Variants in GRHL1 observed in about 807,000 individuals in gnomAD.
GRHL1 encodes grainyhead like transcription factor 1, also known as grainyhead-like protein 1 homolog.
GRHL1 carries 38 observed loss-of-function variants against 75.7 expected under a neutral mutation model. The observed-to-expected ratio is 0.50, with a 90% CI of 0.39 to 0.66. The LOEUF (loss-of-function observed/expected upper bound fraction) is 0.66. Among genes scored for constraint, GRHL1 ranks in the 30% least tolerant of loss-of-function variants. GRHL1 has a pLI of 0.00. For missense variants in GRHL1, 589 were observed against 767.5 expected, an observed-to-expected ratio of 0.77 and a Z score of 2.75; for synonymous variants, 266 against 279.4, an observed-to-expected ratio of 0.95 and a Z score of 0.48.
chr2:9,986,706 C>T (rs1257633751), intron 9 of GRHL1, among the ~76,000 whole-genome samples: 2 of 152,186 alleles, frequency 1.3e-5, no homozygotes, highest in African/African-American at 2.4e-5. Flanking sequence ...GTGTGAGCCA[C>T]CGCGCCCAGC....
chr2:9,988,271 C>T (rs1227541182), intron 9 of GRHL1, among the ~76,000 whole-genome samples: 2 of 152,284 alleles, frequency 1.3e-5, no homozygotes, highest in Non-Finnish European at 2.9e-5. Flanking sequence ...CTAATCATCC[C>T]GCGCTCCTGA....
At chr2:9,952,780 G>A (rs1666848304) in intron 1 of GRHL1, 1 of 260,636 alleles carries the variant, frequency 3.8e-6, no homozygotes, top group Non-Finnish European at 7.7e-6. Flanking sequence ...GAAGTTTAAG[G>A]CAGATAGGTA....
intron 8 of GRHL1, among the ~76,000 whole-genome samples, chr2:9,976,118 G>T (rs1022754660): frequency 4.6e-5 from 7 of 152,148 alleles, no homozygotes; most frequent in African/African-American, 1.7e-4. Context: ...CAGGAAACGT[G>T]TATTTCTTAT....
intron 5 of GRHL1, among the ~76,000 whole-genome samples, chr2:9,963,532 A>G (rs922978684): frequency 6.6e-6 from 1 of 152,246 alleles, no homozygotes; most frequent in African/African-American, 2.4e-5. Context: ...GGCCAAAAGG[A>G]ATTTAGTCAG....
chr2:9,958,533 A>C (rs1453129835), intron 2 of GRHL1, among the ~76,000 whole-genome samples: 1 of 151,978 alleles, frequency 6.6e-6, no homozygotes, highest in Non-Finnish European at 1.5e-5. Flanking sequence ...TGACAAAATA[A>C]ATTTATCATG....
intron 8 of GRHL1, among the ~76,000 whole-genome samples, chr2:9,972,352 A>G (rs1485600934): frequency 6.6e-6 from 1 of 151,664 alleles, no homozygotes; most frequent in African/African-American, 2.4e-5. Flanking sequence ...AGCTTTCTCA[A>G]ACTGTCTTTT....
Position 9,987,438 on chromosome 2 carries a change from G to A in GRHL1, c.1269+1156G>A, listed in dbSNP as rs571505282. 1.6e-3 allele frequency among the ~76,000 whole-genome samples: 251 copies of A among 152,334 alleles called. No individual in the cohort carries two copies. The highest frequency in any genetic ancestry group is 5.9e-3 in the African/African-American group (246 of 41,580). ...CAGGACCCTCTGAGCCCAGCTGCTG[G>A]AAGTGTAGGCAGTCACCCCTGCACG... On this transcript the variant is annotated intron_variant, in intron 9 of 15. Coordinates refer to ENST00000324907, the MANE Select transcript of GRHL1 (RefSeq NM_198182.3). The surrounding 1 kb of genome is among the most constrained non-coding windows in gnomAD (Gnocchi z 4.2).
chr2:9,998,459 C>T (rs12992309), intron 14 of GRHL1, among the ~76,000 whole-genome samples: 7 of 6,074 alleles, frequency 1.2e-3, no homozygotes, highest in Admixed American at 2.4e-3. Context: ...TATATATATA[C>T]ATATATATAC....
chr2:9,970,228 T>C (rs2116014), intron 8 of GRHL1, among the ~76,000 whole-genome samples: 59,141 of 152,152 alleles, frequency 0.39, 13,190 homozygotes, highest in African/African-American at 0.61. Context: ...ATCCTTACAC[T>C]GTAAGGTGAA....
In GRHL1 at chr2:9,990,859, AGTGGGT is replaced by A. The variant is rs1198877291; in HGVS notation, c.1321+115_1321+120del. ...TGGCTGGAGTTTGCACGCAGAAGAC[AGTGGGT>A]GTTCTTCCTGTTCTGCAGTGTGGCA... is the stretch of plus-strand genomic sequence containing the variant. On this transcript the variant is annotated intron_variant, in intron 10 of 15. Transcript: ENST00000324907. This position sits in a 1 kb window ranked among gnomAD's most constrained non-coding sequence, Gnocchi z 4.2. The A allele has an allele frequency of 1.3e-6, 1 of 793,460 alleles. No homozygotes were observed. The highest frequency in any genetic ancestry group is 2.6e-5 in the East Asian group (1 of 39,080). 49.2% of individuals were successfully genotyped at this position (793,460 alleles called of 1,614,324 possible).
rs537352456 is a variant in GRHL1 at position 9,986,159 on chromosome 2, C to T, written c.1146C>T (p.Phe382=). The T allele has an allele frequency of 6.2e-7, 1 of 1,613,102 alleles. No individual in the cohort carries two copies. The highest frequency in any genetic ancestry group is 1.3e-5 in the African/African-American group (1 of 74,924). ...FISVNCLSTD[F]SSQKGVKGLP... is the part of the protein sequence containing the mutation. Reference sequence around the variant, plus strand: ...CTGTGAACTGCTTAAGCACAGATTTCTCTTCCCAGAAGGGAGTGAAGGGGT... The same window carrying T: ...CTGTGAACTGCTTAAGCACAGATTTTTCTTCCCAGAAGGGAGTGAAGGGGT... Residue 382 remains phenylalanine, a synonymous_variant, in exon 9 of 16, where the codon TTC becomes TTT. Coordinates refer to ENST00000324907, the MANE Select transcript of GRHL1 (RefSeq NM_198182.3).
rs1553307084 is a variant in GRHL1 at position 9,998,649 on chromosome 2, T to TACATAC, written c.1678-311_1678-310insCACATA. On this transcript the variant is annotated intron_variant, in intron 14 of 15. Coordinates refer to ENST00000324907, the MANE Select transcript of GRHL1 (RefSeq NM_198182.3). ...ACATATACATATATATGTACACATA[T>TACATAC]ACATATACATATATATGTACACATA... Among the ~76,000 whole-genome samples the TACATAC allele has an allele frequency of 9.2e-5, 4 of 43,630 alleles. 1 individual carries two copies. In the Admixed American group the frequency reaches 1.1e-3, roughly 12 times the overall value. The allele number at this position is 43,630 out of a possible 152,430, so 28.6% of individuals were successfully genotyped here. A position where few individuals can be genotyped will look rare whatever the true frequency, so the allele number is the denominator to read the frequency against.
chr2:9,968,843 G>A lies in GRHL1; in HGVS notation c.1110+3462G>A, dbSNP rs189959093. Among the ~76,000 whole-genome samples the A allele has an allele frequency of 4.6e-5, 7 of 152,302 alleles. No individual in the cohort carries two copies. The highest frequency in any genetic ancestry group is 2.1e-4 in the South Asian group (1 of 4,830). On this transcript the variant is annotated intron_variant, in intron 8 of 15. Coordinates refer to ENST00000324907, the MANE Select transcript of GRHL1 (RefSeq NM_198182.3). This position sits in a 1 kb window ranked among gnomAD's most constrained non-coding sequence, Gnocchi z 4.7. ...TCCGAGAGCCTGCTGTGGACAAGGC[G>A]TGGGCTGGATCTAGGCTCCTGCCAC...
rs773756396 is a variant in GRHL1 at position 9,955,025 on chromosome 2, C to T, written c.131C>T (p.Ala44Val). 2.2e-5 allele frequency: 36 copies of T among 1,613,132 alleles called. No individual in the cohort carries two copies. Among genetic ancestry groups the T allele is most frequent in the Non-Finnish European group, 3.1e-5 (36 of 1,179,226 alleles). The change falls in exon 2 of 16, where the codon GCG (alanine) becomes GTG (valine). Residue 44 changes from alanine to valine, a missense_variant. Coordinates refer to ENST00000324907, the MANE Select transcript of GRHL1 (RefSeq NM_198182.3). ...KSFLENPLTA[A>V]TKAMMSINGD... ...TTCCTGGAAAACCCTCTCACTGCAG[C>T]GACCAAAGCGATGATGAGCATCAAT...
chr2:9,965,408 T>C, intron 8 of GRHL1, 27 bp downstream of exon 8: 1 of 1,220,330 alleles, frequency 8.2e-7, no homozygotes, highest in South Asian at 1.2e-5. Flanking sequence ...GGGCGCCTTA[T>C]GTCCAGCCAT....
chr2:9,982,780 A>G (rs1371290983), intron 8 of GRHL1, among the ~76,000 whole-genome samples: 2 of 152,244 alleles, frequency 1.3e-5, no homozygotes, highest in Non-Finnish European at 2.9e-5. Context: ...CTGGCAACTT[A>G]CTTGGTATTT....
Position 9,951,994 on chromosome 2 carries a change from C to A in GRHL1, c.20+141C>A. ...GAGCCGGGGGCCGCTGTCCACTCCA[C>A]GCCGCCACGGCCTTTGCCCCTTAGC... On this transcript the variant is annotated intron_variant, in intron 1 of 15. Transcript: ENST00000324907. The surrounding 1 kb of genome is among the most constrained non-coding windows in gnomAD (Gnocchi z 4.2). 3.6e-6 allele frequency: 1 copy of A among 274,160 alleles called. No homozygotes were observed. The highest frequency in any genetic ancestry group is 1.3e-4 in the South Asian group (1 of 7,856). The allele number at this position is 274,160 out of a possible 1,614,324, so 17.0% of individuals were successfully genotyped here. A position where few individuals can be genotyped will look rare whatever the true frequency, so the allele number is the denominator to read the frequency against.
intron 1 of GRHL1, chr2:9,952,942 A>C: frequency 2.2e-6 from 1 of 447,342 alleles, no homozygotes. Context: ...AACATATTTC[A>C]GAAGTCTGAG....
At chr2:9,983,588 ATCT>A (rs1256094410) in intron 8 of GRHL1, among the ~76,000 whole-genome samples, 1 of 152,124 alleles carries the variant, frequency 6.6e-6, no homozygotes, top group East Asian at 1.9e-4. Context: ...TTACTGTGAA[ATCT>A]TCTTGTAAAG....
Sources: allele counts gnomAD v4.1 joint callset (sites outside exome capture counted in the v4.1 genomes callset), GRCh38; gene constraint gnomAD v4.1.1; non-coding constraint Gnocchi (gnomAD v3.1); transcripts MANE v1.5; gene names NCBI Gene and HGNC (gene_info 2026-07-23, HGNC 2026-07-21).